The following PDXDC1 variants were observed in gnomAD, a reference collection of about 807,000 sequenced individuals.
PDXDC1 encodes pyridoxal dependent decarboxylase domain containing 1.
A neutral mutation model predicts 100.1 loss-of-function variants in PDXDC1; 42 were observed. That is an observed-to-expected ratio of 0.42 (90% confidence interval 0.33 to 0.54). The LOEUF (loss-of-function observed/expected upper bound fraction) is 0.54, where lower values mean the gene tolerates loss of function less well. PDXDC1 is among the 20% of genes least tolerant of loss of function. The pLI, the probability that PDXDC1 is intolerant of heterozygous loss-of-function variation, is 0.10. For synonymous variants in PDXDC1, 260 were observed against 371.7 expected (o/e 0.70, Z 3.46); for missense variants, 636 against 979.2 (o/e 0.65, Z 4.68).
At chr16:15,013,348 C>CAAAAAA (rs1310266362) in intron 8 of PDXDC1, among the ~76,000 whole-genome samples, 7 of 111,806 alleles carry the variant, frequency 6.3e-5, no homozygotes, top group South Asian at 3.3e-4. Context: ...GACCCTATCT[C>CAAAAAA]AAAAAAAAAA....
rs796301710 is a variant in PDXDC1, at chr16:14,999,683, A to T, written c.161+1278A>T. 3.9e-5 allele frequency among the ~76,000 whole-genome samples: 6 copies of T among 152,256 alleles called. No homozygotes were observed. In the South Asian group the frequency reaches 1.2e-3, roughly 32 times the overall value. ...TTTGATAAGATTTATTGTTTTCATA[A>T]TGTAAATGAAAGGAAAATGTCAAAT... On this transcript the variant is annotated intron_variant, in intron 3 of 22. Coordinates refer to ENST00000396410, the MANE Select transcript of PDXDC1 (RefSeq NM_015027.4).
chr16:14,984,829 G>A (rs530462632), intron 1 of PDXDC1, among the ~76,000 whole-genome samples: 1 of 152,310 alleles, frequency 6.6e-6, no homozygotes, highest in African/African-American at 2.4e-5. Context: ...TTGGTGAACT[G>A]GTTTAACTGA....
intron 1 of PDXDC1, among the ~76,000 whole-genome samples, chr16:14,983,365 G>C (rs1968443305): frequency 6.6e-6 from 1 of 152,250 alleles, no homozygotes; most frequent in Non-Finnish European, 1.5e-5. Flanking sequence ...GAGGTCAGGA[G>C]ATCGAGGCCA....
At position 15,137,654 on chromosome 16, in the gene PDXDC1, C is replaced by T. The variant is rs988246135; in HGVS notation, c.1400-1225C>T. ...CATGCTGTTCCCTTGGCCCGGAGCC[C>T]CCCCCCAGAGAGGCCTTCCTGAGCC... On this transcript the variant is annotated intron_variant, in intron 16 of 16. Transcript: ENST00000535621. 4.6e-6 allele frequency: 6 copies of T among 1,304,018 alleles called. No homozygotes were observed. In the South Asian group the frequency reaches 5.0e-5, roughly 11 times the overall value. The allele number at this position is 1,304,018 out of a possible 1,614,324, so 80.8% of individuals were successfully genotyped here.
chr16:15,071,533 C>T (rs1424358773), intron 16 of PDXDC1, among the ~76,000 whole-genome samples: 2 of 152,082 alleles, frequency 1.3e-5, no homozygotes, highest in East Asian at 1.9e-4. Context: ...TTTGGGAGGC[C>T]GAGGCGGGTG....
downstream of PDXDC1, chr16:15,041,165 C>G: frequency 8.3e-7 from 1 of 1,200,566 alleles, no homozygotes; most frequent in Non-Finnish European, 1.2e-6. Flanking sequence ...AAAGAAATAC[C>G]AAATGATTAT....
At chr16:15,054,691 A>T (rs2044431405) in intron 16 of PDXDC1, among the ~76,000 whole-genome samples, 1 of 152,180 alleles carries the variant, frequency 6.6e-6, no homozygotes, top group African/African-American at 2.4e-5. Flanking sequence ...TTCAGGGGTC[A>T]TTTTGTGACC....
intron 16 of PDXDC1, among the ~76,000 whole-genome samples, chr16:15,064,340 A>G (rs1237918269): frequency 6.6e-6 from 1 of 151,866 alleles, no homozygotes; most frequent in East Asian, 1.9e-4. Context: ...ACACCCAGCT[A>G]ATTTTTGTAT....
chr16:15,051,733 C>T (rs1200374136), intron 16 of PDXDC1, among the ~76,000 whole-genome samples: 3 of 137,504 alleles, frequency 2.2e-5, no homozygotes, highest in African/African-American at 8.1e-5. Context: ...CAAGGCCTCA[C>T]TCTGTTGCCC....
chr16:15,072,993 C>G (rs2045300471), intron 16 of PDXDC1: 1 of 1,613,734 alleles, frequency 6.2e-7, no homozygotes, highest in Admixed American at 1.7e-5. Flanking sequence ...CTGTACATGG[C>G]AGGAGGCATG....
intron 16 of PDXDC1, chr16:15,047,678 T>G: frequency 2.2e-6 from 2 of 915,174 alleles, no homozygotes; most frequent in Non-Finnish European, 3.6e-6. Context: ...CGGACAGGTC[T>G]GTGCTCCCCA....
chr16:15,031,400 T>A (rs1481608600), intron 16 of PDXDC1, among the ~76,000 whole-genome samples: 1 of 152,192 alleles, frequency 6.6e-6, no homozygotes, highest in Non-Finnish European at 1.5e-5. Flanking sequence ...GTACAGAATC[T>A]GTGGTTGCCT....
chr16:15,108,515 GA>G (rs1567260372), intron 16 of PDXDC1: 4 of 101,328 alleles, frequency 3.9e-5, no homozygotes, highest in Non-Finnish European at 6.2e-5. Flanking sequence ...AGCCAGTGAG[GA>G]CATCACTACT....
Position 15,106,265 on chromosome 16 carries a change from A to T in PDXDC1, c.1400-32614A>T, listed in dbSNP as rs1372420563. ...GCGGGGAGGAAGCTCCTTACTTTGCATCTGTAGTAGTCCTCTGCCCGCCGC... is the reference window on the plus strand; with the variant it reads ...GCGGGGAGGAAGCTCCTTACTTTGCTTCTGTAGTAGTCCTCTGCCCGCCGC... On this transcript the variant is annotated intron_variant, in intron 16 of 16. Coordinates refer to the PDXDC1 transcript ENST00000535621. 7.5e-6 allele frequency: 8 copies of T among 1,061,842 alleles called. No homozygotes were observed. The East Asian group carries it at 2.1e-4, about 28-fold the overall frequency. 65.8% of individuals were successfully genotyped at this position (1,061,842 alleles called of 1,614,324 possible).
intron 12 of PDXDC1, among the ~76,000 whole-genome samples, chr16:15,020,248 G>T (rs1410857172): frequency 8.5e-5 from 13 of 152,252 alleles, no homozygotes; most frequent in Admixed American, 8.5e-4. Flanking sequence ...ATATGACAAG[G>T]ATTGCCAGGA....
Position 15,061,469 on chromosome 16 carries a change from A to C in PDXDC1, c.1399+31413A>C, listed in dbSNP as rs887495985. On this transcript the variant is annotated intron_variant, in intron 16 of 16. Coordinates refer to the PDXDC1 transcript ENST00000535621. ...AAAAAGCTGTTAACACAAAAAATGT[A>C]CATATTAAACAAGCAAATCCTTCCA... The C allele has an allele frequency of 8.3e-5, 31 of 374,980 alleles. 1 individual carries two copies. The East Asian group carries it at 1.2e-3, about 15-fold the overall frequency. The allele number at this position is 374,980 out of a possible 1,614,324, so 23.2% of individuals were successfully genotyped here.
chr16:15,120,144 ATTATC>A (rs1339174450), intron 16 of PDXDC1, among the ~76,000 whole-genome samples: 1 of 16,128 alleles, frequency 6.2e-5, no homozygotes, highest in African/African-American at 2.6e-4. Flanking sequence ...GTATAAAGTA[ATTATC>A]TTATCTTTTC....
intron 1 of PDXDC1, chr16:14,990,261 G>GGCGCCCACCCCGGCCCCCGCC: frequency 1.8e-6 from 1 of 554,184 alleles, no homozygotes; most frequent in East Asian, 1.7e-4. Flanking sequence ...CCCAGACCGC[G>GGCGCCCACCCCGGCCCCCGCC]GCGCCCACCC....
intron 16 of PDXDC1, among the ~76,000 whole-genome samples, chr16:15,067,755 G>A (rs1227553955): frequency 1.3e-5 from 2 of 151,908 alleles, no homozygotes; most frequent in African/African-American, 4.8e-5. Flanking sequence ...TGCAAGGACT[G>A]GGTTGTTTTT....
Sources: gnomAD v4.1 joint callset for allele counts (sites outside exome capture counted in the v4.1 genomes callset) on GRCh38, gnomAD v4.1.1 for gene constraint, MANE v1.5 for transcripts, NCBI Gene and HGNC (gene_info 2026-07-23, HGNC 2026-07-21) for gene names.